Variants in FHIT observed in about 807,000 individuals in gnomAD.
The protein encoded by FHIT is fragile histidine triad diadenosine triphosphatase.
FHIT carries 19 observed loss-of-function variants against 17.9 expected under a neutral mutation model. The ratio of observed to expected loss-of-function variants is 1.06; its 90% CI spans 0.74 to 1.56. FHIT has a LOEUF of 1.56. Ranked by LOEUF, FHIT falls within the 40% of genes most tolerant of loss-of-function variation. The pLI is 0.00. For missense variants in FHIT, 248 were observed against 189.2 expected, an observed-to-expected ratio of 1.31 and a Z score of -1.82; for synonymous variants, 81 against 69.7, an observed-to-expected ratio of 1.16 and a Z score of -0.81.
chr3:60,185,234 G>C (rs1036386341), intron 5 of FHIT, among the ~76,000 whole-genome samples: 6 of 151,870 alleles, frequency 4.0e-5, no homozygotes, highest in African/African-American at 1.5e-4. Flanking sequence ...GCGTCAAATT[G>C]AATAGTTTCA....
chr3:60,274,647 C>T (rs1707034824), intron 5 of FHIT, among the ~76,000 whole-genome samples: 1 of 152,156 alleles, frequency 6.6e-6, no homozygotes, highest in Non-Finnish European at 1.5e-5. Flanking sequence ...GGTGGTAGCA[C>T]AGCTTTTTTC....
Position 59,772,250 on chromosome 3 carries a change from A to C in FHIT, c.349-19929T>G, listed in dbSNP as rs17061186. On this transcript the variant is annotated intron_variant, in intron 8 of 9. Coordinates refer to ENST00000492590, the MANE Select transcript of FHIT (RefSeq NM_002012.4). The stretch of plus-strand genomic sequence containing the variant: ...GTTAGAAGACCTGGACTTGAGCTCT[A>C]TCACTCCCTCTGGGTCATGTTGTTT... Among the ~76,000 whole-genome samples, 3,238 of 152,314 alleles carry C rather than the reference A, an allele frequency of 0.021. 176 individuals carry two copies. The East Asian group carries it at 0.23, about 11-fold the overall frequency.
intron 3 of FHIT, among the ~76,000 whole-genome samples, chr3:60,966,010 T>G (rs971112875): frequency 4.6e-5 from 7 of 152,174 alleles, no homozygotes; most frequent in Non-Finnish European, 8.8e-5. Flanking sequence ...CTGCTGCCTT[T>G]TTTTCAGCTA....
chr3:59,874,205 G>C (rs1317634841), intron 8 of FHIT, among the ~76,000 whole-genome samples: 2 of 152,164 alleles, frequency 1.3e-5, no homozygotes, highest in South Asian at 2.1e-4. Flanking sequence ...GCCTCAAAAA[G>C]AAGTTCAAAG....
At chr3:60,713,837 C>T (rs1313277553) in intron 4 of FHIT, among the ~76,000 whole-genome samples, 8 of 151,482 alleles carry the variant, frequency 5.3e-5, no homozygotes, top group African/African-American at 9.7e-5. Flanking sequence ...GATTCACAGC[C>T]GAATTCTACC....
At chr3:60,408,376 G>T (rs529019599) in intron 5 of FHIT, among the ~76,000 whole-genome samples, 1 of 152,048 alleles carries the variant, frequency 6.6e-6, no homozygotes, top group African/African-American at 2.4e-5. Context: ...TGTCTATCCG[G>T]CATCCACTAG....
chr3:60,943,445 T>C (rs1708504127), intron 3 of FHIT, among the ~76,000 whole-genome samples: 1 of 152,190 alleles, frequency 6.6e-6, no homozygotes. Context: ...ATGATATTTA[T>C]ATGATGTATT....
chr3:60,824,950 G>C (rs1575570450), intron 3 of FHIT, among the ~76,000 whole-genome samples: 1 of 152,202 alleles, frequency 6.6e-6, no homozygotes, highest in African/African-American at 2.4e-5. Flanking sequence ...CATGAAAACT[G>C]ACTAATACTC....
intron 8 of FHIT, among the ~76,000 whole-genome samples, chr3:59,787,742 C>T (rs1699375215): frequency 6.6e-6 from 1 of 152,162 alleles, no homozygotes; most frequent in Non-Finnish European, 1.5e-5. Context: ...GATGTAGGCA[C>T]TACTATTAGT....
chr3:61,205,411 T>G (rs1018854000), intron 1 of FHIT, among the ~76,000 whole-genome samples: 1 of 152,190 alleles, frequency 6.6e-6, no homozygotes, highest in Non-Finnish European at 1.5e-5. Flanking sequence ...ACTTCCACAA[T>G]GGTTGAACTA....
rs565900040 is a variant in FHIT, at chr3:60,600,879, A to G, written c.-17-63900T>C. Among the ~76,000 whole-genome samples, 93 of 152,270 alleles carry G rather than the reference A, an allele frequency of 6.1e-4. 1 individual carries two copies. Among genetic ancestry groups the G allele is most frequent in the African/African-American group, 2.2e-3 (90 of 41,554 alleles). On this transcript the variant is annotated intron_variant, in intron 4 of 9. Transcript: ENST00000492590. ...CCTCTGGGCAGACCAAATTAGAAAA[A>G]TGCATCCCTCTCATGAGCGGATGCA... is the stretch of plus-strand genomic sequence containing the variant.
chr3:60,199,710 G>A (rs1440107291), intron 5 of FHIT, among the ~76,000 whole-genome samples: 2 of 152,016 alleles, frequency 1.3e-5, no homozygotes, highest in East Asian at 1.9e-4. Context: ...GAACATTCAA[G>A]GTCAATGATA....
chr3:61,067,816 GCCTTGAGTTAAC>G (rs1207094781), intron 2 of FHIT, among the ~76,000 whole-genome samples: 1 of 152,156 alleles, frequency 6.6e-6, no homozygotes, highest in African/African-American at 2.4e-5. Context: ...AACACCCCAA[GCCTTGAGTTAAC>G]CCTTTACTGA....
chr3:61,039,992 C>T (rs1191438262), intron 3 of FHIT, among the ~76,000 whole-genome samples: 1 of 152,124 alleles, frequency 6.6e-6, no homozygotes, highest in Non-Finnish European at 1.5e-5. Flanking sequence ...CTTACAGTAG[C>T]AAAGAAAGAG....
At chr3:59,773,152 C>CT (rs1491026293) in intron 8 of FHIT, among the ~76,000 whole-genome samples, 9 of 152,332 alleles carry the variant, frequency 5.9e-5, no homozygotes, top group Middle Eastern at 3.4e-3. Context: ...TGTAAGGCCC[C>CT]TGTCTTCATT....
intron 3 of FHIT, among the ~76,000 whole-genome samples, chr3:60,883,460 A>C (rs1187364100): frequency 2.6e-5 from 4 of 152,190 alleles, no homozygotes; most frequent in African/African-American, 9.6e-5. Flanking sequence ...ATCTGACTTT[A>C]AAATATACAA....
At chr3:59,763,050 C>CGGTGTTTCAGATATT (rs1350630407) in intron 8 of FHIT, among the ~76,000 whole-genome samples, 2 of 152,130 alleles carry the variant, frequency 1.3e-5, no homozygotes, top group African/African-American at 4.8e-5. Context: ...TCCCCCCCGC[C>CGGTGTTTCAGATATT]GGTGTTTCAG....
intron 5 of FHIT, among the ~76,000 whole-genome samples, chr3:60,416,633 T>A (rs1319744112): frequency 6.6e-6 from 1 of 152,192 alleles, no homozygotes; most frequent in Non-Finnish European, 1.5e-5. Context: ...TTCAACCACT[T>A]AAAAATGTAA....
chr3:59,874,395 C>G (rs1363811478), intron 8 of FHIT, among the ~76,000 whole-genome samples: 1 of 152,200 alleles, frequency 6.6e-6, no homozygotes, highest in Non-Finnish European at 1.5e-5. Flanking sequence ...TTTACTGTTT[C>G]AGAATTCCCT....
Sources: allele counts gnomAD v4.1 joint callset (sites outside exome capture counted in the v4.1 genomes callset), GRCh38; gene constraint gnomAD v4.1.1; transcripts MANE v1.5; gene names NCBI Gene and HGNC (gene_info 2026-07-23, HGNC 2026-07-21).